SNX24: variants seen among roughly 807,000 people sequenced by gnomAD.
SNX24 encodes sorting nexin 24.
Under a neutral mutation model 28.7 loss-of-function variants are expected in SNX24, and 22 were observed. The observed-to-expected ratio is 0.77, with a 90% CI of 0.55 to 1.10. The LOEUF (loss-of-function observed/expected upper bound fraction) is 1.10. Among genes scored for constraint, SNX24 ranks in the 50% least tolerant of loss-of-function variants. The probability of loss-of-function intolerance (pLI) is 0.00; values close to 1 mark genes in which losing one functional copy is unlikely to be tolerated. For missense variants in SNX24, 221 were observed against 201.1 expected (o/e 1.10, Z -0.60); for synonymous variants, 69 against 71.5 (o/e 0.96, Z 0.18).
At chr5:122,966,324 T>C (rs1476836691) in intron 3 of SNX24, among the ~76,000 whole-genome samples, 1 of 152,212 alleles carries the variant, frequency 6.6e-6, no homozygotes, top group African/African-American at 2.4e-5. Context: ...AACGTGTAGG[T>C]TTGATACATA....
chr5:122,864,445 C>G (rs963165080), intron 1 of SNX24, among the ~76,000 whole-genome samples: 2 of 152,160 alleles, frequency 1.3e-5, no homozygotes, highest in African/African-American at 4.8e-5. Context: ...GACAGGGGAA[C>G]CGCAACAGAG....
At chr5:122,901,952 A>G (rs548476506) in intron 1 of SNX24, among the ~76,000 whole-genome samples, 2 of 152,168 alleles carry the variant, frequency 1.3e-5, no homozygotes, top group Non-Finnish European at 2.9e-5. Context: ...TCTTCCATAA[A>G]CAAACAATAT....
intron 1 of SNX24, among the ~76,000 whole-genome samples, chr5:122,922,326 C>T (rs986413264): frequency 1.3e-5 from 2 of 152,136 alleles, no homozygotes; most frequent in African/African-American, 4.8e-5. Flanking sequence ...AATCTCAGCT[C>T]ACTGCAACTT....
In SNX24 at chr5:123,008,556, T is replaced by TA. The variant is rs11407516; in HGVS notation, c.*825dup. The TA allele has an allele frequency of 0.52, 71,618 of 136,704 alleles. 18,448 individuals carry two copies. Among genetic ancestry groups the TA allele is most frequent in the African/African-American group, 0.59 (21,829 of 37,244 alleles). The allele number at this position is 136,704 out of a possible 1,614,324, so 8.5% of individuals were successfully genotyped here. A position where few individuals can be genotyped will look rare whatever the true frequency, so the allele number is the denominator to read the frequency against. ...GGTGTTTGTTTAGGGGCCATTTTGT[T>TA]AAAAAAAAAAAAAAAAAAGCACATA... On this transcript the variant is annotated 3_prime_UTR_variant, in exon 7 of 7. Transcript: ENST00000261369.
intron 1 of SNX24, among the ~76,000 whole-genome samples, chr5:122,869,098 A>G (rs993284209): frequency 3.9e-5 from 6 of 152,252 alleles, no homozygotes. Context: ...ATAGTGCAGG[A>G]TAAAAGTTTA....
At chr5:122,996,202 C>A (rs1198427529) in intron 3 of SNX24, among the ~76,000 whole-genome samples, 2 of 152,184 alleles carry the variant, frequency 1.3e-5, no homozygotes, top group African/African-American at 4.8e-5. Context: ...AGGCAGCATA[C>A]CCTCCAGTGG....
In SNX24 at chr5:123,007,845, AC is replaced by A; in HGVS notation, c.*97del. ...TTTAACCTAAACGCTATGATATATA[AC>A]AGCTCTAGCTAGTGGTAAAGTGCAC... is the stretch of plus-strand genomic sequence containing the variant. On this transcript the variant is annotated 3_prime_UTR_variant, in exon 7 of 7. Transcript: ENST00000261369. 1 of 1,539,002 alleles carries A rather than the reference AC, an allele frequency of 6.5e-7. No individual in the cohort carries two copies. Among genetic ancestry groups the A allele is most frequent in the Non-Finnish European group, 8.7e-7 (1 of 1,148,494 alleles).
intron 3 of SNX24, among the ~76,000 whole-genome samples, chr5:122,981,014 G>A (rs1761373455): frequency 6.6e-6 from 1 of 152,046 alleles, no homozygotes; most frequent in Non-Finnish European, 1.5e-5. Context: ...ATATCGTGGG[G>A]AATATACTTG....
At chr5:122,857,633 G>T (rs192366149) in intron 1 of SNX24, among the ~76,000 whole-genome samples, 11 of 151,980 alleles carry the variant, frequency 7.2e-5, no homozygotes, top group Admixed American at 2.0e-4. Flanking sequence ...ATCATTTAGC[G>T]CCCACTTATA....
At chr5:123,011,799 A>G (rs1040158364), downstream of SNX24, among the ~76,000 whole-genome samples, 2 of 152,214 alleles carry the variant, frequency 1.3e-5, no homozygotes, top group African/African-American at 2.4e-5. Flanking sequence ...TTGAATTGCT[A>G]TGTGATTCAG....
At position 122,919,346 on chromosome 5, in the gene SNX24, T is replaced by A. The variant is rs566155194; in HGVS notation, c.61-17388T>A. On this transcript the variant is annotated intron_variant, in intron 1 of 6. Coordinates refer to ENST00000261369, the MANE Select transcript of SNX24 (RefSeq NM_014035.4). ...CAGGTCTGATTTAGATACAAGTCAT[T>A]TGAATCTTTTAAAGCCTGGAATTTC... 2.0e-5 allele frequency among the ~76,000 whole-genome samples: 3 copies of A among 152,194 alleles called. No homozygotes were observed. The East Asian group carries it at 5.8e-4, about 29-fold the overall frequency.
At chr5:122,966,234 G>A (rs1179952655) in intron 3 of SNX24, among the ~76,000 whole-genome samples, 1 of 152,316 alleles carries the variant, frequency 6.6e-6, no homozygotes, top group East Asian at 1.9e-4. Flanking sequence ...GCAAACACAA[G>A]AATGTCTAGA....
chr5:123,023,191 T>C (rs2083638408), intron 5 of SNX24: 1 of 152,240 alleles, frequency 6.6e-6, no homozygotes, highest in Admixed American at 6.5e-5. Context: ...AAATGTTACA[T>C]TGAATAACAA....
chr5:123,021,464 C>T (rs1372732472), intron 5 of SNX24, among the ~76,000 whole-genome samples: 1 of 152,142 alleles, frequency 6.6e-6, no homozygotes, highest in Non-Finnish European at 1.5e-5. Flanking sequence ...ATCACCAGAG[C>T]AAGTGGACTA....
At chr5:122,918,953 G>A (rs746085627) in intron 1 of SNX24, among the ~76,000 whole-genome samples, 2 of 152,140 alleles carry the variant, frequency 1.3e-5, no homozygotes, top group African/African-American at 2.4e-5. Flanking sequence ...TATATAATCT[G>A]TATGAAAATT....
At chr5:123,009,505 C>T (rs1439859472), downstream of SNX24, among the ~76,000 whole-genome samples, 1 of 152,132 alleles carries the variant, frequency 6.6e-6, no homozygotes, top group Non-Finnish European at 1.5e-5. Context: ...TTAGTGATGA[C>T]TTTCGCTTTT....
chr5:122,941,390 A>T (rs1412139088), intron 2 of SNX24, among the ~76,000 whole-genome samples: 1 of 152,012 alleles, frequency 6.6e-6, no homozygotes, highest in Non-Finnish European at 1.5e-5. Context: ...ATCTCCCATT[A>T]CCTCATTATA....
intron 1 of SNX24, among the ~76,000 whole-genome samples, chr5:122,918,012 A>G (rs1327759747): frequency 1.3e-5 from 2 of 152,172 alleles, no homozygotes; most frequent in African/African-American, 2.4e-5. Context: ...CCTGAGAGGC[A>G]GAGCTTGCAG....
rs763639402 is a variant in SNX24 at position 122,845,669 on chromosome 5, G to C, written c.36G>C (p.Glu12Asp). The change falls in exon 1 of 7, where the codon GAG becomes GAC. Residue 12 changes from glutamate to aspartate, a missense_variant. Coordinates refer to ENST00000261369, the MANE Select transcript of SNX24 (RefSeq NM_014035.4). Reference sequence around the variant, plus strand: ...ACATCCCGTCCTTTCGCTATGAAGAGAGCGACCTGGAGCGGGGATACACGG... The same window carrying C: ...ACATCCCGTCCTTTCGCTATGAAGACAGCGACCTGGAGCGGGGATACACGG... ...EVYIPSFRYE[E>D]SDLERGYTVF... 1 of 1,424,930 alleles carries C rather than the reference G, an allele frequency of 7.0e-7. No homozygotes were observed. Among genetic ancestry groups the C allele is most frequent in the South Asian group, 1.6e-5 (1 of 60,798 alleles). The allele number at this position is 1,424,930 out of a possible 1,614,324, so 88.3% of individuals were successfully genotyped here.
Sources: gnomAD v4.1 joint callset for allele counts (sites outside exome capture counted in the v4.1 genomes callset) on GRCh38, gnomAD v4.1.1 for gene constraint, MANE v1.5 for transcripts, NCBI Gene and HGNC (gene_info 2026-07-23, HGNC 2026-07-21) for gene names.